Variants in ABCA12 observed in about 807,000 individuals in gnomAD.
The protein encoded by ABCA12 is ATP binding cassette subfamily A member 12, also known as glucosylceramide transporter ABCA12.
Under a neutral mutation model 293.5 loss-of-function variants are expected in ABCA12, and 156 were observed. The observed-to-expected ratio is 0.53, with a 90% CI of 0.47 to 0.61. The LOEUF is 0.61. Ranked by LOEUF, ABCA12 falls within the 20% of genes least tolerant of loss-of-function variation. ABCA12 has a pLI of 0.00. For missense variants in ABCA12, 2,797 were observed against 3,090.2 expected (o/e 0.91, Z 2.25); for synonymous variants, 1,063 against 1,108.0 (o/e 0.96, Z 0.81).
chr2:215,072,815 C>T (rs565693306), intron 2 of ABCA12, among the ~76,000 whole-genome samples: 2 of 152,268 alleles, frequency 1.3e-5, no homozygotes, highest in South Asian at 4.1e-4. Context: ...TTGAGTTCTT[C>T]GCCAGGCGCG....
intron 1 of ABCA12, among the ~76,000 whole-genome samples, chr2:215,117,802 ACT>A (rs1228870093): frequency 2.6e-5 from 4 of 152,106 alleles, no homozygotes; most frequent in East Asian, 1.9e-4. Flanking sequence ...CTGTTTGGAG[ACT>A]CTGTGAATTT....
rs769679549 is a variant in ABCA12 at position 214,989,442 on chromosome 2, T to C, written c.3716A>G (p.Tyr1239Cys). The C allele has an allele frequency of 6.2e-6, 10 of 1,613,290 alleles. No individual in the cohort carries two copies. The highest frequency in any genetic ancestry group is 8.5e-6 in the Non-Finnish European group (10 of 1,179,876). The change falls in exon 26 of 53, where the codon TAC becomes TGC. Residue 1239 changes from tyrosine to cysteine, a missense_variant. Around this residue, in one of 3 missense-constraint regions of ABCA12, gnomAD observed 2,130 missense variants for 2,427.0 expected, o/e 0.88. Coordinates refer to ENST00000272895, the MANE Select transcript of ABCA12 (RefSeq NM_173076.3). ...QGIGLQWENM[Y>C]TSPVQDDTTS... The stretch of plus-strand genomic sequence containing the variant: ...GGTGTCATCCTGAACCGGGGAGGTG[T>C]ACATATTTTCCCACTGAAGACCTAA...
intron 2 of ABCA12, among the ~76,000 whole-genome samples, chr2:215,068,052 A>C (rs949686057): frequency 1.3e-5 from 2 of 152,180 alleles, no homozygotes; most frequent in Non-Finnish European, 2.9e-5. Flanking sequence ...CTTTCCTCTC[A>C]AAAGAATCTA....
intron 41 of ABCA12, 113 bp from the exon 42 acceptor site, chr2:214,956,891 A>G: frequency 1.4e-6 from 1 of 710,864 alleles, no homozygotes; most frequent in South Asian, 1.6e-5. Flanking sequence ...AAAAATTTGA[A>G]GAAATGAATT....
At chr2:215,132,528 G>A (rs556954893) in intron 1 of ABCA12, among the ~76,000 whole-genome samples, 30 of 151,556 alleles carry the variant, frequency 2.0e-4, no homozygotes, top group Non-Finnish European at 2.4e-4. Context: ...TTGGTTTAAC[G>A]TCTGTTTTAT....
chr2:214,947,240 A>G (rs1698611583), intron 48 of ABCA12, among the ~76,000 whole-genome samples, 182 bp downstream of exon 48: 1 of 152,222 alleles, frequency 6.6e-6, no homozygotes, highest in Admixed American at 6.5e-5. Flanking sequence ...GTGGTAACAA[A>G]TTATTTGCTG....
intron 49 of ABCA12, among the ~76,000 whole-genome samples, chr2:214,943,582 C>T (rs1284358488): frequency 1.3e-5 from 2 of 152,158 alleles, no homozygotes; most frequent in Non-Finnish European, 2.9e-5. Context: ...TCTCTCTCAC[C>T]TGGAATACCC....
chr2:215,047,438 T>C (rs1345503412), intron 6 of ABCA12, among the ~76,000 whole-genome samples: 1 of 152,054 alleles, frequency 6.6e-6, no homozygotes, highest in Non-Finnish European at 1.5e-5. Flanking sequence ...AACAGACACA[T>C]AGACCAATGG....
intron 45 of ABCA12, 47 bp from the exon 46 acceptor site, chr2:214,949,196 T>C (rs370333516): frequency 8.2e-6 from 11 of 1,341,476 alleles, no homozygotes; most frequent in African/African-American, 4.3e-5. Flanking sequence ...TCCAAACCAA[T>C]GAGACATTGC....
Position 214,949,040 on chromosome 2 carries a change from C to T in ABCA12, c.6962G>A (p.Gly2321Glu), listed in dbSNP as rs772562742. 1.9e-6 allele frequency: 3 copies of T among 1,609,540 alleles called. No homozygotes were observed. The African/African-American group carries it at 4.0e-5, about 22-fold the overall frequency. ...SGNILIRNKT[G>E]SLGHVDSHSS... ...AAATTGAAGCATTAGTTTTTCATAC[C>T]CGGTCTTATTTCTGATCAGAATGTT... The change falls in exon 46 of 53, where the codon GGA (glycine) becomes GAA (glutamate). Residue 2321 changes from glycine (G) to glutamate (E), a missense_variant and splice_region_variant. Transcript: ENST00000272895.
intron 2 of ABCA12, among the ~76,000 whole-genome samples, chr2:215,087,055 G>A (rs1203520486): frequency 6.6e-6 from 1 of 152,046 alleles, no homozygotes; most frequent in Non-Finnish European, 1.5e-5. Context: ...CTATTCTCCT[G>A]CCTCAGCTTC....
chr2:215,085,800 G>T (rs1702027703), intron 2 of ABCA12, among the ~76,000 whole-genome samples: 1 of 152,136 alleles, frequency 6.6e-6, no homozygotes, highest in Admixed American at 6.5e-5. Flanking sequence ...AGGAAGAAGG[G>T]CAGAAATGTT....
intron 2 of ABCA12, among the ~76,000 whole-genome samples, chr2:215,083,351 G>T (rs963101350): frequency 1.8e-4 from 27 of 152,248 alleles, no homozygotes; most frequent in African/African-American, 6.5e-4. Flanking sequence ...TGAGTATGAG[G>T]TCATTCCTGA....
chr2:215,118,269 G>A (rs1702727251), intron 1 of ABCA12, among the ~76,000 whole-genome samples: 1 of 152,180 alleles, frequency 6.6e-6, no homozygotes, highest in East Asian at 1.9e-4. Context: ...GAGCATGGTG[G>A]CACACGCTTT....
At chr2:215,084,697 C>G (rs1279668413) in intron 2 of ABCA12, among the ~76,000 whole-genome samples, 1 of 152,154 alleles carries the variant, frequency 6.6e-6, no homozygotes, top group African/African-American at 2.4e-5. Flanking sequence ...GTAATGGTTA[C>G]AGTTCTCCAT....
At chr2:215,027,270 C>T (rs948815340) in intron 9 of ABCA12, among the ~76,000 whole-genome samples, 7 of 151,998 alleles carry the variant, frequency 4.6e-5, no homozygotes, top group African/African-American at 7.2e-5. Flanking sequence ...GGTGTGAACC[C>T]GGGAGGCGGA....
In ABCA12 at chr2:215,019,137, C is replaced by T. The variant is rs548252856; in HGVS notation, c.1657+199G>A. Among the ~76,000 whole-genome samples, 56 of 152,330 alleles carry T rather than the reference C, an allele frequency of 3.7e-4. No homozygotes were observed. The South Asian group carries it at 0.01, about 28-fold the overall frequency. The stretch of plus-strand genomic sequence containing the variant: ...ATCTTTTTGCTGTGAAATCAGATTT[C>T]CCTGTTTCATTCTCTGCTAGCTTTC... On this transcript the variant is annotated intron_variant, in intron 13 of 52. Transcript: ENST00000272895.
chr2:215,134,328 A>G (rs1465621702), intron 1 of ABCA12, among the ~76,000 whole-genome samples: 6 of 146,832 alleles, frequency 4.1e-5, no homozygotes, highest in African/African-American at 5.0e-5. Context: ...ATATGTATAT[A>G]TGTACATATA....
chr2:215,092,358 G>T (rs565536092), intron 2 of ABCA12, among the ~76,000 whole-genome samples: 1 of 152,132 alleles, frequency 6.6e-6, no homozygotes, highest in African/African-American at 2.4e-5. Flanking sequence ...AGATCGAGAT[G>T]TTTTAACAAA....
Sources: allele counts gnomAD v4.1 joint callset (sites outside exome capture counted in the v4.1 genomes callset), GRCh38; gene constraint gnomAD v4.1.1; regional missense constraint gnomAD v4.1.1; transcripts MANE v1.5; gene names NCBI Gene and HGNC (gene_info 2026-07-23, HGNC 2026-07-21).